ELF4: variants seen among roughly 807,000 people sequenced by gnomAD.
ELF4 encodes the protein ETS-related transcription factor Elf-4.
A neutral mutation model predicts 31.7 loss-of-function variants in ELF4; 10 were observed. The ratio of observed to expected loss-of-function variants is 0.32; its 90% CI spans 0.19 to 0.54. The LOEUF is 0.54. Among genes scored for constraint, ELF4 ranks in the 20% least tolerant of loss-of-function variants. The probability of loss-of-function intolerance (pLI) is 0.95; values close to 1 mark genes in which losing one functional copy is unlikely to be tolerated. For missense variants in ELF4, 418 were observed against 522.0 expected (o/e 0.80, Z 1.94); for synonymous variants, 208 against 226.7 (o/e 0.92, Z 0.74).
At chrX:130,077,668 T>G (rs1932846722) in intron 2 of ELF4, among the ~76,000 whole-genome samples, 2 of 112,480 alleles carry the variant, frequency 1.8e-5, no homozygotes, top group African/African-American at 6.5e-5. Context: ...ACTCTGCTGC[T>G]CACTAGCATT....
chrX:130,064,505 G>A lies in ELF4; in HGVS notation c.*2216C>T, dbSNP rs1319013966. ...TAAGGAGCTGACAAGCACCCACATG[G>A]AAATGTTCAGCAGATTGCTGGAAAT... On this transcript the variant is annotated 3_prime_UTR_variant, in exon 9 of 9. Coordinates refer to ENST00000308167, the MANE Select transcript of ELF4 (RefSeq NM_001421.4). Among the ~76,000 whole-genome samples, 1 of 112,423 alleles carries A rather than the reference G, an allele frequency of 8.9e-6. No individual in the cohort carries two copies. Among genetic ancestry groups the A allele is most frequent in the Non-Finnish European group, 1.9e-5 (1 of 53,271 alleles).
intron 1 of ELF4, among the ~76,000 whole-genome samples, chrX:130,092,039 C>T (rs765271489): frequency 1.9e-4 from 21 of 112,104 alleles, no homozygotes; most frequent in Non-Finnish European, 3.2e-4. Context: ...TTCTGCCCTC[C>T]TCTCGGAATT....
intron 1 of ELF4, among the ~76,000 whole-genome samples, chrX:130,102,357 G>A (rs1933277035): frequency 8.9e-6 from 1 of 112,105 alleles, no homozygotes; most frequent in Non-Finnish European, 1.9e-5. Flanking sequence ...TAAAGCTACA[G>A]TAATCAAAAC....
chrX:130,064,019 A>C lies in ELF4; in HGVS notation c.*2702T>G, dbSNP rs1272383971. Among the ~76,000 whole-genome samples, 1 of 104,104 alleles carries C rather than the reference A, an allele frequency of 9.6e-6. No homozygotes were observed. Among genetic ancestry groups the C allele is most frequent in the African/African-American group, 3.5e-5 (1 of 28,670 alleles). 90.4% of individuals were successfully genotyped at this position (104,104 alleles called of 115,157 possible). On this transcript the variant is annotated 3_prime_UTR_variant, in exon 9 of 9. Transcript: ENST00000308167. ...TTATTATTATTATTATTATACTTTAAGTTCTGGGATACATGTGCAGAACGT... is the reference window on the plus strand; with the variant it reads ...TTATTATTATTATTATTATACTTTACGTTCTGGGATACATGTGCAGAACGT...
intron 1 of ELF4, among the ~76,000 whole-genome samples, chrX:130,101,703 G>A (rs1489777452): frequency 9.0e-6 from 1 of 110,723 alleles, no homozygotes; most frequent in Non-Finnish European, 1.9e-5. Context: ...GGAGGCTGAG[G>A]CAGGAGAATC....
intron 1 of ELF4, among the ~76,000 whole-genome samples, chrX:130,084,317 TGCCAGGCCCA>T (rs947160713): frequency 4.5e-5 from 5 of 112,175 alleles, no homozygotes; most frequent in Non-Finnish European, 7.5e-5. Context: ...AGGAAGAGAA[TGCCAGGCCCA>T]GCTAGATATG....
At chrX:130,101,971 T>C (rs1933269337) in intron 1 of ELF4, among the ~76,000 whole-genome samples, 1 of 111,137 alleles carries the variant, frequency 9.0e-6, no homozygotes, top group Admixed American at 9.6e-5. Context: ...ACCGTGTCTC[T>C]ACTAAAAATA....
chrX:130,100,233 C>G (rs146188453), intron 1 of ELF4, among the ~76,000 whole-genome samples: 315 of 112,020 alleles, frequency 2.8e-3, no homozygotes, highest in African/African-American at 9.7e-3. Context: ...TGAGGAAGAT[C>G]AAGTTCCAGT....
rs967927715 is a variant in ELF4, at chrX:130,064,342, G to A, written c.*2379C>T. Reference sequence around the variant, plus strand: ...ACTCCCAGCTACTCAGGAGGCTGAGGCAGGAGAATCACTTGAGCCTGGGAG... The same window carrying A: ...ACTCCCAGCTACTCAGGAGGCTGAGACAGGAGAATCACTTGAGCCTGGGAG... On this transcript the variant is annotated 3_prime_UTR_variant, in exon 9 of 9. Transcript: ENST00000308167. Among the ~76,000 whole-genome samples the A allele has an allele frequency of 8.9e-6, 1 of 111,865 alleles. No individual in the cohort carries two copies. Among genetic ancestry groups the A allele is most frequent in the Non-Finnish European group, 1.9e-5 (1 of 53,201 alleles).
intron 1 of ELF4, among the ~76,000 whole-genome samples, chrX:130,104,039 C>G (rs1362598098): frequency 3.6e-5 from 4 of 111,518 alleles, no homozygotes; most frequent in Non-Finnish European, 7.5e-5. Context: ...GAGTGGTAGT[C>G]AGCCAGTTGG....
Position 130,092,127 on chromosome X carries a change from A to G in ELF4, c.-209-10588T>C, listed in dbSNP as rs752709926. ...CCAGTCCGGTGGGCTAAAAGCCTCCACTTTTTTGGGAGGGAGACAGGGAAA... is the reference window on the plus strand; with the variant it reads ...CCAGTCCGGTGGGCTAAAAGCCTCCGCTTTTTTGGGAGGGAGACAGGGAAA... On this transcript the variant is annotated intron_variant, in intron 1 of 8. Coordinates refer to ENST00000308167, the MANE Select transcript of ELF4 (RefSeq NM_001421.4). Among the ~76,000 whole-genome samples the G allele has an allele frequency of 2.7e-5, 3 of 111,975 alleles. No homozygotes were observed. The South Asian group carries it at 1.1e-3, about 41-fold the overall frequency.
At position 130,090,381 on chromosome X, in the gene ELF4, A is replaced by C. The variant is rs771690011; in HGVS notation, c.-209-8842T>G. ...GAGCAAGACTCTGTCTCAAAAAAAA[A>C]AAAGAAGAAGAAGAAGAAGAAGCCA... On this transcript the variant is annotated intron_variant, in intron 1 of 8. Coordinates refer to ENST00000308167, the MANE Select transcript of ELF4 (RefSeq NM_001421.4). Among the ~76,000 whole-genome samples the C allele has an allele frequency of 5.5e-5, 6 of 109,825 alleles. No homozygotes were observed. In the Admixed American group the frequency reaches 5.8e-4, roughly 11 times the overall value.
intron 1 of ELF4, among the ~76,000 whole-genome samples, chrX:130,103,385 G>A (rs1412665297): frequency 1.8e-5 from 2 of 112,368 alleles, no homozygotes; most frequent in East Asian, 5.5e-4. Context: ...GATTTGAACA[G>A]ACACCTCAAC....
intron 1 of ELF4, among the ~76,000 whole-genome samples, chrX:130,092,821 A>G (rs1364023873): frequency 9.0e-6 from 1 of 110,507 alleles, no homozygotes; most frequent in East Asian, 2.8e-4. Flanking sequence ...CCTAGCACCA[A>G]TGGACACAGG....
chrX:130,094,754 C>T (rs1049250639), intron 1 of ELF4, among the ~76,000 whole-genome samples: 1 of 111,358 alleles, frequency 9.0e-6, no homozygotes, highest in Non-Finnish European at 1.9e-5. Context: ...GTAGGGAGAA[C>T]GCCAAGGAAA....
rs776283295 is a variant in ELF4 at position 130,066,497 on chromosome X, C to T, written c.*224G>A. On this transcript the variant is annotated 3_prime_UTR_variant, in exon 9 of 9. Coordinates refer to ENST00000308167, the MANE Select transcript of ELF4 (RefSeq NM_001421.4). ...TCACCAAGTCAGCCCGTTATGCTGC[C>T]AAAAGCATATGCCCTAGTGCTCTTG... 6.2e-5 allele frequency: 25 copies of T among 406,481 alleles called. No homozygotes were observed. Among genetic ancestry groups the T allele is most frequent in the Non-Finnish European group, 1.1e-4 (25 of 236,907 alleles). The allele number at this position is 406,481 out of a possible 1,213,427, so 33.5% of individuals were successfully genotyped here.
chrX:130,097,233 T>C (rs1933166240), intron 1 of ELF4, among the ~76,000 whole-genome samples: 1 of 101,977 alleles, frequency 9.8e-6, no homozygotes, highest in African/African-American at 3.7e-5. Flanking sequence ...AGGTCAGGAG[T>C]TCAAGACCAG....
At chrX:130,086,664 C>T (rs980545964) in intron 1 of ELF4, among the ~76,000 whole-genome samples, 4 of 112,152 alleles carry the variant, frequency 3.6e-5, no homozygotes, top group Non-Finnish European at 3.8e-5. Flanking sequence ...GTGAGTAATC[C>T]AGGCTTAGCA....
At chrX:130,090,624 TCTC>T (rs759779684) in intron 1 of ELF4, among the ~76,000 whole-genome samples, 15 of 111,172 alleles carry the variant, frequency 1.3e-4, no homozygotes, top group Admixed American at 1.3e-3. Flanking sequence ...TGGCACACTC[TCTC>T]CTCCTCCTCA....
Sources: gnomAD v4.1 joint callset for allele counts (sites outside exome capture counted in the v4.1 genomes callset) on GRCh38, gnomAD v4.1.1 for gene constraint, MANE v1.5 for transcripts, NCBI Gene and HGNC (gene_info 2026-07-23, HGNC 2026-07-21) for gene names.